The following PTPRT variants were observed in gnomAD, a reference collection of about 807,000 sequenced individuals.
PTPRT encodes the protein protein tyrosine phosphatase receptor type T, also known as receptor-type tyrosine-protein phosphatase T.
In PTPRT, 56 loss-of-function variants were observed where a neutral mutation model predicts 176.8. That is an observed-to-expected ratio of 0.32 (90% CI 0.26 to 0.40). The LOEUF is 0.40. PTPRT is among the 10% of genes least tolerant of loss of function. PTPRT has a pLI of 1.00. For synonymous variants in PTPRT, 783 were observed against 739.0 expected (o/e 1.06, Z -0.96); for missense variants, 1,540 against 1,908.2 (o/e 0.81, Z 3.60).
At chr20:42,211,705 T>G (rs1301668887) in intron 15 of PTPRT, among the ~76,000 whole-genome samples, 5 of 144,330 alleles carry the variant, frequency 3.5e-5, no homozygotes, top group Non-Finnish European at 7.6e-5. Flanking sequence ...GGTGGGACTG[T>G]AAACTAGTTC....
At chr20:42,830,108 T>A (rs959256129) in intron 2 of PTPRT, among the ~76,000 whole-genome samples, 27 of 152,022 alleles carry the variant, frequency 1.8e-4, no homozygotes, top group African/African-American at 6.5e-4. Flanking sequence ...GAGGCCAACA[T>A]CATCCTGATA....
At position 43,189,836 on chromosome 20, in the gene PTPRT, C is replaced by T; in HGVS notation, c.-103G>A. On this transcript the variant is annotated 5_prime_UTR_variant, in exon 1 of 31. Coordinates refer to ENST00000373187, the MANE Select transcript of PTPRT (RefSeq NM_007050.6). The surrounding 1 kb of genome is among the most constrained non-coding windows in gnomAD (Gnocchi z 5.0). ...ATCGCCGGCGCGGCCGCTGGCTGTG[C>T]GCGCGGCTGGCTCCGCTCGGGCTCC... 1.9e-6 allele frequency: 1 copy of T among 529,096 alleles called. No homozygotes were observed. Among genetic ancestry groups the T allele is most frequent in the Non-Finnish European group, 2.4e-6 (1 of 413,756 alleles). The allele number at this position is 529,096 out of a possible 1,614,324, so 32.8% of individuals were successfully genotyped here.
rs148731656 is a variant in PTPRT, at chr20:42,581,840, T to A, written c.1153+96026A>T. On this transcript the variant is annotated intron_variant, in intron 7 of 30. Transcript: ENST00000373187. ...GTTGAAGGGGGAGGGTGCTGCAAGATGCAGTGGAATTCTTTCTTATCTGGG... is the reference window on the plus strand; with the variant it reads ...GTTGAAGGGGGAGGGTGCTGCAAGAAGCAGTGGAATTCTTTCTTATCTGGG... Among the ~76,000 whole-genome samples the A allele has an allele frequency of 5.9e-5, 9 of 152,308 alleles. No homozygotes were observed. In the East Asian group the frequency reaches 1.7e-3, roughly 29 times the overall value.
At chr20:43,012,202 G>A (rs947404198) in intron 1 of PTPRT, among the ~76,000 whole-genome samples, 3 of 152,068 alleles carry the variant, frequency 2.0e-5, no homozygotes, top group Non-Finnish European at 4.4e-5. Context: ...TCCCTCTAGC[G>A]AACCCTGACT....
chr20:42,712,328 C>T (rs1011474335), intron 6 of PTPRT, among the ~76,000 whole-genome samples: 4 of 152,028 alleles, frequency 2.6e-5, no homozygotes, highest in Non-Finnish European at 4.4e-5. Context: ...GTATGTTAGC[C>T]CTGATTTTAA....
At chr20:42,541,999 A>G (rs1189543628) in intron 7 of PTPRT, among the ~76,000 whole-genome samples, 1 of 152,076 alleles carries the variant, frequency 6.6e-6, no homozygotes, top group African/African-American at 2.4e-5. Flanking sequence ...TCATGGGGGT[A>G]GGTTTTTCCC....
chr20:42,681,083 T>C (rs1025554908), intron 6 of PTPRT, among the ~76,000 whole-genome samples: 1 of 152,244 alleles, frequency 6.6e-6, no homozygotes, highest in Non-Finnish European at 1.5e-5. Context: ...GCACAGGTAC[T>C]GGTGGTTCAA....
At chr20:42,706,548 C>T (rs1243114691) in intron 6 of PTPRT, among the ~76,000 whole-genome samples, 1 of 152,046 alleles carries the variant, frequency 6.6e-6, no homozygotes. Flanking sequence ...GAAAGTAAAA[C>T]ATATGGGCAC....
At chr20:42,728,060 G>A (rs1014841774) in intron 6 of PTPRT, among the ~76,000 whole-genome samples, 3 of 151,986 alleles carry the variant, frequency 2.0e-5, no homozygotes, top group Admixed American at 6.6e-5. Context: ...GACCTTCCAG[G>A]GCAACTTGCA....
At chr20:42,987,899 T>C (rs1983692029) in intron 1 of PTPRT, among the ~76,000 whole-genome samples, 2 of 152,172 alleles carry the variant, frequency 1.3e-5, no homozygotes, top group Non-Finnish European at 2.9e-5. Flanking sequence ...TGCTCACACA[T>C]GTGGCTGCTG....
Position 42,815,675 on chromosome 20 carries a change from C to A in PTPRT, c.215-24209G>T, listed in dbSNP as rs183802811. ...CTGATATTTGTCTTCTAGGGCCTCT[C>A]TGAAATGATCATAAGTGGATTTTTA... On this transcript the variant is annotated intron_variant, in intron 2 of 30. Transcript: ENST00000373187. Among the ~76,000 whole-genome samples the A allele has an allele frequency of 3.8e-3, 574 of 152,256 alleles. 6 individuals carry two copies. Among genetic ancestry groups the A allele is most frequent in the African/African-American group, 0.013 (548 of 41,546 alleles).
chr20:42,500,558 G>A (rs2145414599), intron 7 of PTPRT, among the ~76,000 whole-genome samples: 1 of 151,902 alleles, frequency 6.6e-6, no homozygotes, highest in South Asian at 2.1e-4. Context: ...TTCCTTTCCA[G>A]TAATTATTCA....
At chr20:42,129,642 G>A (rs114677849) in intron 18 of PTPRT, among the ~76,000 whole-genome samples, 1,572 of 152,294 alleles carry the variant, frequency 0.01, 26 homozygotes, top group African/African-American at 0.035. Context: ...CACTGTGCAC[G>A]TATCATTGTG....
chr20:42,630,781 T>G (rs954921318), intron 7 of PTPRT, among the ~76,000 whole-genome samples: 3 of 152,140 alleles, frequency 2.0e-5, no homozygotes, highest in African/African-American at 7.2e-5. Flanking sequence ...CTAAGTGAAT[T>G]CACAATGACC....
intron 4 of PTPRT, among the ~76,000 whole-genome samples, chr20:42,778,744 T>C (rs552014105): frequency 6.6e-6 from 1 of 152,206 alleles, no homozygotes; most frequent in African/African-American, 2.4e-5. Context: ...GGGGAATATT[T>C]CACCCTAGTG....
In PTPRT at chr20:42,796,501, C is replaced by A. The variant is rs146121194; in HGVS notation, c.215-5035G>T. Among the ~76,000 whole-genome samples the A allele has an allele frequency of 6.6e-3, 1,007 of 152,320 alleles. 4 individuals carry two copies. Among genetic ancestry groups the A allele is most frequent in the Non-Finnish European group, 0.01 (705 of 68,030 alleles). Reference sequence around the variant, plus strand: ...GAACAAGTAACTTGGCCAAGGTCAACCAACACAATGAAGATTTAGACTCAG... The same window carrying A: ...GAACAAGTAACTTGGCCAAGGTCAAACAACACAATGAAGATTTAGACTCAG... On this transcript the variant is annotated intron_variant, in intron 2 of 30. Coordinates refer to ENST00000373187, the MANE Select transcript of PTPRT (RefSeq NM_007050.6).
chr20:42,982,532 T>A (rs902504809), intron 1 of PTPRT, among the ~76,000 whole-genome samples: 2 of 151,784 alleles, frequency 1.3e-5, no homozygotes, highest in African/African-American at 4.8e-5. Context: ...AGCCAACCAT[T>A]AGGAAAAAGA....
chr20:42,190,920 C>T (rs2146638459), intron 16 of PTPRT, among the ~76,000 whole-genome samples: 1 of 152,288 alleles, frequency 6.6e-6, no homozygotes, highest in Admixed American at 6.5e-5. Context: ...AAGCCTTAGG[C>T]AAATTCCTTA....
intron 13 of PTPRT, among the ~76,000 whole-genome samples, chr20:42,272,000 T>A (rs2056943814): frequency 6.6e-6 from 1 of 152,218 alleles, no homozygotes; most frequent in East Asian, 1.9e-4. Flanking sequence ...CTTAAAAATA[T>A]GAAAAGTTTT....
Sources: allele counts gnomAD v4.1 joint callset (sites outside exome capture counted in the v4.1 genomes callset), GRCh38; gene constraint gnomAD v4.1.1; non-coding constraint Gnocchi (gnomAD v3.1); transcripts MANE v1.5; gene names NCBI Gene and HGNC (gene_info 2026-07-23, HGNC 2026-07-21).